The following CBY3 variants were observed in gnomAD, a reference collection of about 807,000 sequenced individuals.
CBY3 encodes chibby family member 3.
A neutral mutation model predicts 3.0 loss-of-function variants in CBY3; 7 were observed. The observed-to-expected ratio is 2.32, with a 90% CI of 1.32 to 4.35. CBY3 has a LOEUF of 4.35. Among genes scored for constraint, CBY3 ranks in the 30% most tolerant of loss-of-function variants. CBY3 has a pLI of 0.00. For missense variants in CBY3, 400 were observed against 336.4 expected (o/e 1.19, Z -1.48); for synonymous variants, 170 against 154.5 (o/e 1.10, Z -0.74).
Position 179,678,954 on chromosome 5 carries a change from A to C in CBY3, c.358T>G (p.Tyr120Asp), listed in dbSNP as rs1775975728. ...NTRQAELGLA[Y>D]GAPCMRLSNQ... ...CTGAGGCGCATGCACGGCGCGCCGTAGGCGAGGCCCAGCTCGGCCTGGCGC... is the reference window on the plus strand; with the variant it reads ...CTGAGGCGCATGCACGGCGCGCCGTCGGCGAGGCCCAGCTCGGCCTGGCGC... The change falls in exon 2 of 2, where the codon TAC becomes GAC. Residue 120 changes from tyrosine to aspartate, a missense_variant. Transcript: ENST00000376974. 2.6e-6 allele frequency: 4 copies of C among 1,535,412 alleles called. No individual in the cohort carries two copies. Among genetic ancestry groups the C allele is most frequent in the Non-Finnish European group, 3.5e-6 (4 of 1,146,118 alleles).
Position 179,680,973 on chromosome 5 carries a change from C to T in CBY3, c.-55G>A. 6.8e-7 allele frequency: 1 copy of T among 1,462,928 alleles called. No individual in the cohort carries two copies. The highest frequency in any genetic ancestry group is 9.3e-7 in the Non-Finnish European group (1 of 1,080,986). The allele number at this position is 1,462,928 out of a possible 1,614,324, so 90.6% of individuals were successfully genotyped here. Reference sequence around the variant, plus strand: ...CGGAGGATGTTTCCCCGTTAGTCCTCACTGTATGTTGTGCCTCACCTGGAA... The same window carrying T: ...CGGAGGATGTTTCCCCGTTAGTCCTTACTGTATGTTGTGCCTCACCTGGAA... On this transcript the variant is annotated 5_prime_UTR_variant, in exon 1 of 2. Coordinates refer to ENST00000376974, the MANE Select transcript of CBY3 (RefSeq NM_001164444.2).
chr5:179,680,245 A>G (rs969667813), intron 1 of CBY3, among the ~76,000 whole-genome samples: 2 of 152,042 alleles, frequency 1.3e-5, no homozygotes, highest in African/African-American at 4.8e-5. Flanking sequence ...GGAAGCTTAG[A>G]CTTCCTTTTG....
chr5:179,678,593 T>TC lies in CBY3; in HGVS notation c.718dup (p.Asp240GlyfsTer7), dbSNP rs774832399. 1.8e-4 allele frequency: 279 copies of TC among 1,512,998 alleles called. 2 individuals are homozygous for TC. In the South Asian group the frequency reaches 3.2e-3, roughly 17 times the overall value. 93.7% of individuals were successfully genotyped at this position (1,512,998 alleles called of 1,614,324 possible). ...GCGGCCTTTATTGCGTCACTGCGAG[T>TC]CCAGAGCGCACGGCTGGATCATGAG... On this transcript the variant is annotated frameshift_variant, in exon 2 of 2. Coordinates refer to ENST00000376974, the MANE Select transcript of CBY3 (RefSeq NM_001164444.2). LOFTEE classifies it high-confidence loss of function.
rs2127760178 is a variant in CBY3, at chr5:179,678,704, T to C, written c.608A>G (p.Gln203Arg). The change falls in exon 2 of 2, where the codon CAG (glutamine) becomes CGG (arginine). Residue 203 changes from glutamine to arginine, a missense_variant. Coordinates refer to ENST00000376974, the MANE Select transcript of CBY3 (RefSeq NM_001164444.2). The stretch of plus-strand genomic sequence containing the variant: ...CGTCGGGATCACCTCGGGGTTGCGC[T>C]GCTTCTCCAGCAAGTGCATGCGCGC... ...TMARMHLLEK[Q>R]RNPEVIPTAA... is the part of the protein sequence containing the mutation. The C allele has an allele frequency of 6.5e-7, 1 of 1,536,952 alleles. No individual in the cohort carries two copies. Among genetic ancestry groups the C allele is most frequent in the Admixed American group, 2.0e-5 (1 of 50,998 alleles).
intron 1 of CBY3, among the ~76,000 whole-genome samples, chr5:179,680,069 C>T (rs1488148451): frequency 1.3e-5 from 2 of 150,576 alleles, no homozygotes; most frequent in East Asian, 3.9e-4. Context: ...CGCCTCAGCG[C>T]CAAAGTGCTG....
chr5:179,678,740 G>A lies in CBY3; in HGVS notation c.572C>T (p.Thr191Ile). The A allele has an allele frequency of 6.5e-7, 1 of 1,537,066 alleles. No individual in the cohort carries two copies. Among genetic ancestry groups the A allele is most frequent in the South Asian group, 1.2e-5 (1 of 84,060 alleles). ...LQQELLIDML[T>I]ETMARMHLLE... Reference sequence around the variant, plus strand: ...CAAGTGCATGCGCGCCATGGTCTCAGTCAGCATGTCTATGAGCAGTTCCTG... The same window carrying A: ...CAAGTGCATGCGCGCCATGGTCTCAATCAGCATGTCTATGAGCAGTTCCTG... Residue 191 changes from threonine to isoleucine, a missense_variant, in exon 2 of 2, where the codon ACT becomes ATT. By Grantham distance (89) the Thr-to-Ile change is moderately conservative. Coordinates refer to ENST00000376974, the MANE Select transcript of CBY3 (RefSeq NM_001164444.2).
Position 179,680,910 on chromosome 5 carries a change from A to G in CBY3, c.9T>C (p.Ala3=). 1.3e-6 allele frequency: 2 copies of G among 1,536,690 alleles called. No homozygotes were observed. Among genetic ancestry groups the G allele is most frequent in the Non-Finnish European group, 1.7e-6 (2 of 1,146,742 alleles). The change falls in exon 1 of 2, where the codon GCT becomes GCC. Residue 3 remains alanine (A), a synonymous_variant. Transcript: ENST00000376974. MW[A]SRDHLPEPDL... ...CTGGTTCAGGGAGATGGTCTCTGGA[A>G]GCCCACATCCAGGCCCACCCTTGAG...
In CBY3 at chr5:179,678,790, CT is replaced by C; in HGVS notation, c.521del (p.Glu174GlyfsTer6). 6.5e-7 allele frequency: 1 copy of C among 1,537,092 alleles called. No individual in the cohort carries two copies. The highest frequency in any genetic ancestry group is 1.2e-5 in the South Asian group (1 of 84,060). On this transcript the variant is annotated frameshift_variant, in exon 2 of 2. Transcript: ENST00000376974. LOFTEE classifies it low-confidence loss of function (END_TRUNC). ...GCTGCAGCTTCAGGTAGTTGTTCTC[CT>C]CCAGCAACACTTGGCTTTTGGACCG... ...VQRSKSQVLL[E>X]ENNYLKLQQE...
rs1384661169 is a variant in CBY3 at position 179,678,645 on chromosome 5, T to A, written c.667A>T (p.Lys223Ter). The part of the protein sequence containing the change: ...AARAGQRKMR[K>*]RAGASAGVLM... ...ACGCCCGCGCTGGCGCCTGCGCGCT[T>A]GCGCATCTTCCTCTGCCCGGCGCGC... Residue 223 changes from lysine to a stop codon, truncating the protein, a stop_gained, in exon 2 of 2, where the codon AAG becomes TAG. Transcript: ENST00000376974. LOFTEE classifies it low-confidence loss of function (END_TRUNC). 7 of 1,533,896 alleles carry A rather than the reference T, an allele frequency of 4.6e-6. No homozygotes were observed. Among genetic ancestry groups the A allele is most frequent in the Non-Finnish European group, 4.4e-6 (5 of 1,144,856 alleles).
chr5:179,678,657 TCTGCCCGGCG>T lies in CBY3; in HGVS notation c.645_654del (p.Ala216GlyfsTer15), dbSNP rs1248152028. 5 of 1,535,192 alleles carry T rather than the reference TCTGCCCGGCG, an allele frequency of 3.3e-6. No individual in the cohort carries two copies. In the African/African-American group the frequency reaches 5.5e-5, roughly 17 times the overall value. On this transcript the variant is annotated frameshift_variant, in exon 2 of 2. Transcript: ENST00000376974. LOFTEE classifies it low-confidence loss of function (END_TRUNC). ...GCGCCTGCGCGCTTGCGCATCTTCC[TCTGCCCGGCG>T]CGCGCCGCAGCCGTCGGGATCACCT...
Position 179,681,027 on chromosome 5 carries a change from C to G in CBY3, c.-109G>C. The G allele has an allele frequency of 1.0e-6, 1 of 972,122 alleles. No homozygotes were observed. Among genetic ancestry groups the G allele is most frequent in the Non-Finnish European group, 1.6e-6 (1 of 639,768 alleles). The allele number at this position is 972,122 out of a possible 1,614,324, so 60.2% of individuals were successfully genotyped here. ...GGGGTGGAGTTGCTGAGCTGCTGTC[C>G]CAGGGCTAGTCCCATCTCTGACCCA... On this transcript the variant is annotated 5_prime_UTR_variant, in exon 1 of 2. Transcript: ENST00000376974.
Position 179,678,897 on chromosome 5 carries a change from A to T in CBY3, c.415T>A (p.Trp139Arg). The T allele has an allele frequency of 2.0e-6, 3 of 1,534,900 alleles. No individual in the cohort carries two copies. Among genetic ancestry groups the T allele is most frequent in the Non-Finnish European group, 1.7e-6 (2 of 1,145,670 alleles). ...NQAFVFRGGR[W>R]TTESQLARTR... ...CTCGCCAGCTGGCTCTCAGTGGTCCACCGCCCGCCGCGGAACACGAAGGCC... is the reference window on the plus strand; with the variant it reads ...CTCGCCAGCTGGCTCTCAGTGGTCCTCCGCCCGCCGCGGAACACGAAGGCC... The change falls in exon 2 of 2, where the codon TGG becomes AGG. Residue 139 changes from tryptophan (W) to arginine (R), a missense_variant. Trp to Arg is a moderately radical substitution (Grantham distance 101). Coordinates refer to ENST00000376974, the MANE Select transcript of CBY3 (RefSeq NM_001164444.2).
At position 179,678,625 on chromosome 5, in the gene CBY3, C is replaced by G; in HGVS notation, c.687G>C (p.Ala229=). 2.0e-6 allele frequency: 3 copies of G among 1,532,450 alleles called. No individual in the cohort carries two copies. The highest frequency in any genetic ancestry group is 1.7e-6 in the Non-Finnish European group (2 of 1,143,914). The allele number at this position is 1,532,450 out of a possible 1,614,324, so 94.9% of individuals were successfully genotyped here. Residue 229 remains alanine (A), a synonymous_variant, in exon 2 of 2, where the codon GCG becomes GCC. Transcript: ENST00000376974. ...CGCACGGCTGGATCATGAGCACGCC[C>G]GCGCTGGCGCCTGCGCGCTTGCGCA... ...RKMRKRAGAS[A]GVLMIQPCAL...
Position 179,679,029 on chromosome 5 carries a change from G to A in CBY3, c.283C>T (p.Leu95=). The A allele has an allele frequency of 1.3e-6, 2 of 1,534,826 alleles. No homozygotes were observed. Among genetic ancestry groups the A allele is most frequent in the Non-Finnish European group, 1.7e-6 (2 of 1,146,010 alleles). The change falls in exon 2 of 2, where the codon CTG becomes TTG. Residue 95 remains leucine (L), a synonymous_variant. Transcript: ENST00000376974. ...SRPFSPRRPP[L]RRMPSLSTFY... is the part of the protein sequence containing the mutation. Reference sequence around the variant, plus strand: ...GTGGACAGGGAGGGCATGCGGCGCAGTGGCGGCCGCCGTGGCGAGAAGGGC... The same window carrying A: ...GTGGACAGGGAGGGCATGCGGCGCAATGGCGGCCGCCGTGGCGAGAAGGGC...
rs1775993870 is a variant in CBY3 at position 179,679,354 on chromosome 5, C to G, written c.47-89G>C. 2.2e-5 allele frequency: 26 copies of G among 1,161,140 alleles called. No homozygotes were observed. The South Asian group carries it at 4.2e-4, about 19-fold the overall frequency. The allele number at this position is 1,161,140 out of a possible 1,614,324, so 71.9% of individuals were successfully genotyped here. On this transcript the variant is annotated intron_variant, in intron 1 of 1. Transcript: ENST00000376974. ...CGGCGGACATGTCTTAGCCCTGCAGCTACGGCTGCGGCTGTGTCTCACCAG... is the reference window on the plus strand; with the variant it reads ...CGGCGGACATGTCTTAGCCCTGCAGGTACGGCTGCGGCTGTGTCTCACCAG...
chr5:179,679,331 G>T (rs1261124885), intron 1 of CBY3, 66 bp from the exon 2 acceptor site: 23 of 1,324,452 alleles, frequency 1.7e-5, no homozygotes, highest in Admixed American at 2.6e-5. Flanking sequence ...CGCGAGGCCG[G>T]CGGACATGTC....
In CBY3 at chr5:179,678,591, A is replaced by T; in HGVS notation, c.721T>A (p.Ser241Thr). ...GCGCGGCCTTTATTGCGTCACTGCGAGTCCAGAGCGCACGGCTGGATCATG... is the reference window on the plus strand; with the variant it reads ...GCGCGGCCTTTATTGCGTCACTGCGTGTCCAGAGCGCACGGCTGGATCATG... The part of the protein sequence containing the change: ...VLMIQPCALD[S>T]Q The change falls in exon 2 of 2, where the codon TCG (serine) becomes ACG (threonine). Residue 241 changes from serine to threonine, a missense_variant. Physicochemically the swap from Ser to Thr is moderately conservative, Grantham distance 58. Coordinates refer to ENST00000376974, the MANE Select transcript of CBY3 (RefSeq NM_001164444.2). The T allele has an allele frequency of 1.3e-6, 2 of 1,507,988 alleles. No individual in the cohort carries two copies. The highest frequency in any genetic ancestry group is 1.4e-5 in the African/African-American group (1 of 72,094). 93.4% of individuals were successfully genotyped at this position (1,507,988 alleles called of 1,614,324 possible). A position where few individuals can be genotyped will look rare whatever the true frequency, so the allele number is the denominator to read the frequency against.
At chr5:179,679,928 G>A (rs935813891) in intron 1 of CBY3, among the ~76,000 whole-genome samples, 6 of 146,868 alleles carry the variant, frequency 4.1e-5, no homozygotes, top group Admixed American at 3.4e-4. Context: ...CAAAGTGCCC[G>A]GATTACAGGC....
chr5:179,680,853 A>G lies in CBY3; in HGVS notation c.46+20T>C, dbSNP rs752288491. 2 of 1,533,038 alleles carry G rather than the reference A, an allele frequency of 1.3e-6. No homozygotes were observed. The highest frequency in any genetic ancestry group is 1.2e-5 in the South Asian group (1 of 83,972). The allele number at this position is 1,533,038 out of a possible 1,614,324, so 95.0% of individuals were successfully genotyped here. A position where few individuals can be genotyped will look rare whatever the true frequency, so the allele number is the denominator to read the frequency against. On this transcript the variant is annotated intron_variant, in intron 1 of 1. Transcript: ENST00000376974. The stretch of plus-strand genomic sequence containing the variant: ...ACTTATCCCTCACATATAGGTGGAC[A>G]GAGGCTGGATGGTACATACCATCCC...
Sources: gnomAD v4.1 joint callset for allele counts (sites outside exome capture counted in the v4.1 genomes callset) on GRCh38, gnomAD v4.1.1 for gene constraint, MANE v1.5 for transcripts, NCBI Gene and HGNC (gene_info 2026-07-23, HGNC 2026-07-21) for gene names.